Variants in LRRC28 observed in about 807,000 individuals in gnomAD.
The protein encoded by LRRC28 is leucine-rich repeat-containing protein 28.
In LRRC28, 39 loss-of-function variants were observed where a neutral mutation model predicts 45.7. The observed-to-expected ratio is 0.85, with a 90% confidence interval of 0.66 to 1.12. The LOEUF is 1.12. LRRC28 is among the 50% of genes most tolerant of loss of function. The pLI, the probability that LRRC28 is intolerant of heterozygous loss-of-function variation, is 0.00. For missense variants in LRRC28, 435 were observed against 438.5 expected, an observed-to-expected ratio of 0.99 and a Z score of 0.07; for synonymous variants, 206 against 178.8, an observed-to-expected ratio of 1.15 and a Z score of -1.22.
At chr15:99,354,037 T>C (rs752911596) in intron 7 of LRRC28, 1 of 152,226 alleles carries the variant, frequency 6.6e-6, no homozygotes, top group East Asian at 1.9e-4. Context: ...ACTTTTGTTA[T>C]AGTAATAGAG....
chr15:99,259,117 G>A (rs546256902), intron 2 of LRRC28: 15 of 1,324,612 alleles, frequency 1.1e-5, no homozygotes, highest in South Asian at 5.9e-5. Flanking sequence ...AAGACCACTC[G>A]AATCGAACAT....
intron 5 of LRRC28, among the ~76,000 whole-genome samples, chr15:99,332,772 G>A (rs1263672938): frequency 1.3e-5 from 2 of 152,182 alleles, no homozygotes; most frequent in Admixed American, 1.3e-4. Context: ...ATCCAAGACG[G>A]CAGAAGACTC....
chr15:99,256,165 A>T, intron 2 of LRRC28, 40 bp downstream of exon 2: 19 of 1,527,418 alleles, frequency 1.2e-5, no homozygotes, highest in Non-Finnish European at 1.7e-5. Context: ...TTATTTATAC[A>T]TGTGGTCCTG....
intron 9 of LRRC28, among the ~76,000 whole-genome samples, chr15:99,365,964 ACTT>A (rs1162640055): frequency 1.3e-5 from 2 of 152,212 alleles, no homozygotes; most frequent in Non-Finnish European, 2.9e-5. Flanking sequence ...AAAATGGAGA[ACTT>A]CAACATAGAA....
chr15:99,328,905 AC>A, intron 5 of LRRC28, among the ~76,000 whole-genome samples: 1 of 149,942 alleles, frequency 6.7e-6, no homozygotes, highest in East Asian at 1.9e-4. Context: ...AGGCCTTCAG[AC>A]TGGGACTGAG....
At chr15:99,266,534 G>A (rs1207829928) in intron 2 of LRRC28, among the ~76,000 whole-genome samples, 1 of 152,078 alleles carries the variant, frequency 6.6e-6, no homozygotes, top group African/African-American at 2.4e-5. Flanking sequence ...GAGACAGTTA[G>A]GAGAAGATAC....
intron 6 of LRRC28, among the ~76,000 whole-genome samples, chr15:99,346,203 G>T (rs1438847082): frequency 1.3e-5 from 2 of 152,034 alleles, no homozygotes. Context: ...TTGAGACAGG[G>T]TCTTGCTCTG....
At chr15:99,291,786 C>G (rs187470628) in intron 5 of LRRC28, among the ~76,000 whole-genome samples, 1 of 152,308 alleles carries the variant, frequency 6.6e-6, no homozygotes, top group African/African-American at 2.4e-5. Flanking sequence ...TTACACTGTT[C>G]TGTCAGCAAT....
intron 5 of LRRC28, among the ~76,000 whole-genome samples, chr15:99,300,888 C>T (rs1403891508): frequency 6.6e-6 from 1 of 152,142 alleles, no homozygotes; most frequent in Non-Finnish European, 1.5e-5. Context: ...ATGTCCTGAA[C>T]CAAAATTATG....
chr15:99,354,965 A>G (rs945819352), intron 7 of LRRC28, among the ~76,000 whole-genome samples: 12 of 152,184 alleles, frequency 7.9e-5, no homozygotes, highest in African/African-American at 2.9e-4. Flanking sequence ...TACTTGTGGG[A>G]CAATATAAGA....
At chr15:99,354,201 C>G (rs753616550) in intron 7 of LRRC28, among the ~76,000 whole-genome samples, 12 of 152,170 alleles carry the variant, frequency 7.9e-5, no homozygotes, top group Admixed American at 1.3e-4. Context: ...TTCATAGAAA[C>G]AGCTCTGGCC....
At chr15:99,331,186 T>C (rs1956147909) in intron 5 of LRRC28, among the ~76,000 whole-genome samples, 1 of 152,238 alleles carries the variant, frequency 6.6e-6, no homozygotes, top group African/African-American at 2.4e-5. Flanking sequence ...TTTTGAAATA[T>C]GTTCAAAATC....
At chr15:99,343,909 G>T (rs887413116) in intron 6 of LRRC28, among the ~76,000 whole-genome samples, 3 of 152,072 alleles carry the variant, frequency 2.0e-5, no homozygotes, top group East Asian at 1.9e-4. Context: ...GTGCTTGGGG[G>T]TTTTTGCCAG....
At chr15:99,302,987 C>T (rs565856089) in intron 5 of LRRC28, among the ~76,000 whole-genome samples, 1 of 152,232 alleles carries the variant, frequency 6.6e-6, no homozygotes, top group South Asian at 2.1e-4. Context: ...TTTTTGTAGG[C>T]ATATGTTTTC....
chr15:99,279,321 T>C (rs943363010), intron 3 of LRRC28, among the ~76,000 whole-genome samples: 1 of 152,242 alleles, frequency 6.6e-6, no homozygotes, highest in African/African-American at 2.4e-5. Flanking sequence ...ATTTGAGTGG[T>C]TTCCACATTT....
intron 1 of LRRC28, among the ~76,000 whole-genome samples, chr15:99,252,680 T>C (rs1471864254): frequency 6.6e-6 from 1 of 152,248 alleles, no homozygotes; most frequent in African/African-American, 2.4e-5. Context: ...GCTTATAGGC[T>C]CTATCCGTGG....
chr15:99,266,510 A>G (rs1477229124), intron 2 of LRRC28, among the ~76,000 whole-genome samples: 1 of 152,108 alleles, frequency 6.6e-6, no homozygotes, highest in African/African-American at 2.4e-5. Flanking sequence ...AAGGATAATT[A>G]ATACCCAGTG....
chr15:99,346,041 G>A (rs1180336931), intron 6 of LRRC28, among the ~76,000 whole-genome samples: 1 of 152,128 alleles, frequency 6.6e-6, no homozygotes, highest in Admixed American at 6.5e-5. Context: ...GAGTGCAGTG[G>A]TGTAGTCATG....
intron 3 of LRRC28, among the ~76,000 whole-genome samples, chr15:99,282,605 A>G (rs146079482): frequency 1.6e-3 from 247 of 152,350 alleles, no homozygotes; most frequent in African/African-American, 5.8e-3. Context: ...TGTCTACAGT[A>G]TTCAATACGA....
Sources: allele counts gnomAD v4.1 joint callset (sites outside exome capture counted in the v4.1 genomes callset), GRCh38; gene constraint gnomAD v4.1.1; transcripts MANE v1.5; gene names NCBI Gene and HGNC (gene_info 2026-07-23, HGNC 2026-07-21).